ZNF608: variants seen among roughly 807,000 people sequenced by gnomAD.
ZNF608 encodes the protein renal carcinoma antigen NY-REN-36.
In ZNF608, 12 loss-of-function variants were observed where a neutral mutation model predicts 109.0. That is an observed-to-expected ratio of 0.11 (90% CI 0.07 to 0.18). ZNF608 has a LOEUF of 0.18. Among genes scored for constraint, ZNF608 ranks in the 10% least tolerant of loss-of-function variants. ZNF608 has a pLI of 1.00. For synonymous variants in ZNF608, 732 were observed against 717.4 expected, an observed-to-expected ratio of 1.02 and a Z score of -0.33; for missense variants, 1,707 against 1,879.3, an observed-to-expected ratio of 0.91 and a Z score of 1.70.
At chr5:124,672,725 A>G (rs1213070703) in intron 3 of ZNF608, among the ~76,000 whole-genome samples, 12 of 152,236 alleles carry the variant, frequency 7.9e-5, no homozygotes, top group Admixed American at 7.8e-4. Flanking sequence ...AAACCAGGGG[A>G]AAAGTGATTA....
intron 7 of ZNF608, among the ~76,000 whole-genome samples, chr5:124,642,633 T>C (rs900424244): frequency 4.0e-5 from 6 of 151,518 alleles, no homozygotes; most frequent in Middle Eastern, 3.2e-3. Context: ...TCTGCCTAGA[T>C]GGGGCTACTA....
Position 124,648,093 on chromosome 5 carries a change from G to A in ZNF608, c.2291C>T (p.Thr764Ile), listed in dbSNP as rs1370143683. The A allele has an allele frequency of 6.2e-7, 1 of 1,614,012 alleles. No homozygotes were observed. Among genetic ancestry groups the A allele is most frequent in the Non-Finnish European group, 8.5e-7 (1 of 1,180,008 alleles). The change falls in exon 5 of 10, where the codon ACA becomes ATA. Residue 764 changes from threonine to isoleucine, a missense_variant. By Grantham distance (89) the Thr-to-Ile change is moderately conservative. Transcript: ENST00000513986. The part of the protein sequence containing the change: ...TATFTTTTTG[T>I]IPGLPSLTTT... ...TGTGAGGGAGGGCAGTCCGGGTATT[G>A]TCCCAGTGGTGGTCGTTGTAAAGGT...
chr5:124,665,108 G>A (rs553272708), intron 3 of ZNF608, among the ~76,000 whole-genome samples: 3 of 151,974 alleles, frequency 2.0e-5, no homozygotes, highest in Non-Finnish European at 2.9e-5. Context: ...CCCAGGAGGC[G>A]GAGGTTGCAG....
intron 3 of ZNF608, among the ~76,000 whole-genome samples, chr5:124,670,004 A>G (rs1328480795): frequency 6.6e-6 from 1 of 152,212 alleles, no homozygotes; most frequent in Non-Finnish European, 1.5e-5. Context: ...GATATATTTG[A>G]CTATTCCTTT....
intron 3 of ZNF608, among the ~76,000 whole-genome samples, chr5:124,663,810 A>G (rs1159939039): frequency 6.6e-6 from 1 of 152,178 alleles, no homozygotes; most frequent in Non-Finnish European, 1.5e-5. Context: ...AAGCTTTCCA[A>G]AAAGGTACTG....
At chr5:124,716,537 CT>C (rs1308412111) in intron 2 of ZNF608, among the ~76,000 whole-genome samples, 7 of 152,122 alleles carry the variant, frequency 4.6e-5, no homozygotes, top group Non-Finnish European at 8.8e-5. Flanking sequence ...GGGAAATAAA[CT>C]TGCCACCTAG....
intron 3 of ZNF608, among the ~76,000 whole-genome samples, chr5:124,673,979 TTC>T (rs1468546200): frequency 6.6e-6 from 1 of 152,202 alleles, no homozygotes; most frequent in Non-Finnish European, 1.5e-5. Flanking sequence ...CAAAGCAAGT[TTC>T]TCTGCTCAGA....
intron 2 of ZNF608, among the ~76,000 whole-genome samples, chr5:124,711,470 T>G (rs6886362): frequency 0.32 from 48,146 of 152,176 alleles, 7,977 homozygotes; most frequent in Middle Eastern, 0.45. Flanking sequence ...GGTAGATGCT[T>G]GAAGACTATT....
chr5:124,728,496 G>A (rs1748724177), intron 2 of ZNF608, among the ~76,000 whole-genome samples: 1 of 152,124 alleles, frequency 6.6e-6, no homozygotes, highest in Non-Finnish European at 1.5e-5. Flanking sequence ...TCCACAGGAA[G>A]CACCTTCTCT....
chr5:124,654,701 A>C (rs1750934184), intron 3 of ZNF608, among the ~76,000 whole-genome samples: 1 of 152,182 alleles, frequency 6.6e-6, no homozygotes. Context: ...GTCCTACAGA[A>C]AGCAAGTGAG....
intron 2 of ZNF608, among the ~76,000 whole-genome samples, chr5:124,709,405 C>A (rs1024563611): frequency 6.6e-6 from 1 of 152,154 alleles, no homozygotes; most frequent in Non-Finnish European, 1.5e-5. Flanking sequence ...ACAGAAGGTA[C>A]TGAGTATGTA....
In ZNF608 at chr5:124,723,117, G is replaced by A. The variant is rs180686988; in HGVS notation, c.906+20967C>T. ...ACGATCTTGGCTCACTGCAGCCTCC[G>A]CCTCCCCAGTTCAAGCAATTCTCGG... On this transcript the variant is annotated intron_variant, in intron 2 of 9. Coordinates refer to ENST00000513986, the MANE Select transcript of ZNF608 (RefSeq NM_020747.3). Among the ~76,000 whole-genome samples the A allele has an allele frequency of 1.6e-3, 246 of 150,564 alleles. 1 individual carries two copies. The highest frequency in any genetic ancestry group is 6.9e-3 in the Middle Eastern group (2 of 290).
intron 3 of ZNF608, among the ~76,000 whole-genome samples, chr5:124,684,320 T>C (rs546298478): frequency 6.6e-6 from 1 of 152,208 alleles, no homozygotes; most frequent in Non-Finnish European, 1.5e-5. Context: ...GAGATTATTA[T>C]GTACTCCAAC....
At chr5:124,742,541 A>C (rs574097974) in intron 2 of ZNF608, among the ~76,000 whole-genome samples, 2 of 152,328 alleles carry the variant, frequency 1.3e-5, no homozygotes, top group East Asian at 3.9e-4. Context: ...ATTTCAGAAC[A>C]CCTTTTAGCG....
chr5:124,702,459 T>C (rs1196077935), intron 2 of ZNF608, among the ~76,000 whole-genome samples: 1 of 95,780 alleles, frequency 1.0e-5, no homozygotes, highest in Non-Finnish European at 2.3e-5. Flanking sequence ...TTGTAGCCAC[T>C]TGGCTGCAGG....
rs558109241 is a variant in ZNF608 at position 124,696,577 on chromosome 5, C to A, written c.1162+4437G>T. The stretch of plus-strand genomic sequence containing the variant: ...AATCAACAGTAGGGTCCACTCTTCC[C>A]ATATCAATAAATTAGGAAGAGTGGT... On this transcript the variant is annotated intron_variant, in intron 3 of 9. Coordinates refer to ENST00000513986, the MANE Select transcript of ZNF608 (RefSeq NM_020747.3). 9.2e-5 allele frequency among the ~76,000 whole-genome samples: 14 copies of A among 152,292 alleles called. No homozygotes were observed. The East Asian group carries it at 2.5e-3, about 27-fold the overall frequency.
intron 3 of ZNF608, among the ~76,000 whole-genome samples, chr5:124,672,710 G>C (rs1193237380): frequency 6.6e-6 from 1 of 152,130 alleles, no homozygotes. Context: ...ACCAAGCCCA[G>C]AGCTAAACCA....
At chr5:124,734,828 A>T (rs1421809226) in intron 2 of ZNF608, 1 of 152,220 alleles carries the variant, frequency 6.6e-6, no homozygotes, top group East Asian at 1.9e-4. Flanking sequence ...ATGTGTCTGT[A>T]TATTTCTCTT....
At position 124,702,571 on chromosome 5, in the gene ZNF608, A is replaced by T. The variant is rs554081051; in HGVS notation, c.907-1302T>A. Among the ~76,000 whole-genome samples, 23 of 151,942 alleles carry T rather than the reference A, an allele frequency of 1.5e-4. 1 individual carries two copies. In the East Asian group the frequency reaches 4.3e-3, roughly 28 times the overall value. On this transcript the variant is annotated intron_variant, in intron 2 of 9. Coordinates refer to ENST00000513986, the MANE Select transcript of ZNF608 (RefSeq NM_020747.3). ...GAGTCATATGAGGAAGTGTGCTCCT[A>T]GTTAAACAGCTGAAGCAGTCATCTG... is the stretch of plus-strand genomic sequence containing the variant.
Sources: gnomAD v4.1 joint callset for allele counts (sites outside exome capture counted in the v4.1 genomes callset) on GRCh38, gnomAD v4.1.1 for gene constraint, MANE v1.5 for transcripts, NCBI Gene and HGNC (gene_info 2026-07-23, HGNC 2026-07-21) for gene names.